The following AGBL3 variants were observed in gnomAD, a reference collection of about 807,000 sequenced individuals.
AGBL3 encodes the protein AGBL carboxypeptidase 3.
A neutral mutation model predicts 94.5 loss-of-function variants in AGBL3; 68 were observed. That is an observed-to-expected ratio of 0.72 (90% confidence interval 0.59 to 0.88). AGBL3 has a LOEUF of 0.88. Among genes scored for constraint, AGBL3 ranks in the 40% least tolerant of loss-of-function variants. AGBL3 has a pLI of 0.00. For synonymous variants in AGBL3, 354 were observed against 370.7 expected (o/e 0.95, Z 0.52); for missense variants, 934 against 1,103.8 (o/e 0.85, Z 2.18).
At chr7:134,989,415 A>T in intron 3 of AGBL3, 105 bp downstream of exon 3, 1 of 760,168 alleles carries the variant, frequency 1.3e-6, no homozygotes, top group East Asian at 3.2e-5. Flanking sequence ...GGGAATGATT[A>T]TTCTAGTAGA....
intron 11 of AGBL3, among the ~76,000 whole-genome samples, chr7:135,050,787 G>A (rs553602183): frequency 1.3e-5 from 2 of 151,930 alleles, no homozygotes; most frequent in Non-Finnish European, 2.9e-5. Context: ...CCTTAATTCA[G>A]TCTACGTATT....
At chr7:135,023,802 G>A (rs1440079078) in intron 5 of AGBL3, among the ~76,000 whole-genome samples, 1 of 152,184 alleles carries the variant, frequency 6.6e-6, no homozygotes, top group Non-Finnish European at 1.5e-5. Context: ...GCTCCTGCAG[G>A]AGCATGTGCA....
intron 16 of AGBL3, among the ~76,000 whole-genome samples, chr7:135,119,356 A>C (rs1826792801): frequency 6.7e-6 from 1 of 149,476 alleles, no homozygotes; most frequent in East Asian, 2.0e-4. Flanking sequence ...CAGCCTTCCG[A>C]GTAGCTGGGG....
rs192545332 is a variant in AGBL3, at chr7:134,991,135, G to A, written c.124+1825G>A. On this transcript the variant is annotated intron_variant, in intron 3 of 16. Transcript: ENST00000436302. ...TGTTTAGTTCTCTTAAGTTTTCCTT[G>A]TATTGGTTTGGGACTATCTTGCACA... 7.1e-5 allele frequency among the ~76,000 whole-genome samples: 10 copies of A among 140,988 alleles called. No individual in the cohort carries two copies. In the East Asian group the frequency reaches 2.1e-3, roughly 30 times the overall value. 92.5% of individuals were successfully genotyped at this position (140,988 alleles called of 152,430 possible). A position where few individuals can be genotyped will look rare whatever the true frequency, so the allele number is the denominator to read the frequency against.
chr7:134,998,288 C>T (rs1167979017), intron 4 of AGBL3, among the ~76,000 whole-genome samples: 1 of 152,170 alleles, frequency 6.6e-6, no homozygotes, highest in Non-Finnish European at 1.5e-5. Flanking sequence ...TCCATTCAAC[C>T]TTTTCAGCTT....
chr7:135,015,695 T>A (rs1204579935), intron 4 of AGBL3, among the ~76,000 whole-genome samples: 1 of 151,664 alleles, frequency 6.6e-6, no homozygotes, highest in Non-Finnish European at 1.5e-5. Context: ...AACTGAGAAG[T>A]CTGGATTTCG....
intron 5 of AGBL3, among the ~76,000 whole-genome samples, chr7:135,028,536 G>T (rs1052930503): frequency 6.6e-6 from 1 of 152,064 alleles, no homozygotes; most frequent in African/African-American, 2.4e-5. Flanking sequence ...CACATCTTTA[G>T]GCTCTACTTC....
chr7:135,001,196 C>G (rs1811671907), intron 4 of AGBL3, among the ~76,000 whole-genome samples: 1 of 152,182 alleles, frequency 6.6e-6, no homozygotes, highest in Non-Finnish European at 1.5e-5. Flanking sequence ...TTTCATCAAC[C>G]ATTTCATGGC....
intron 16 of AGBL3, chr7:135,129,058 A>T: frequency 6.2e-7 from 1 of 1,608,628 alleles, no homozygotes; most frequent in Non-Finnish European, 8.5e-7. Context: ...CAATGCCTCA[A>T]CTGCCCAGAA....
rs548309744 is a variant in AGBL3, at chr7:135,019,403, C to T, written c.418+2244C>T. 7.2e-5 allele frequency among the ~76,000 whole-genome samples: 11 copies of T among 152,164 alleles called. No homozygotes were observed. The South Asian group carries it at 1.9e-3, about 26-fold the overall frequency. On this transcript the variant is annotated intron_variant, in intron 5 of 16. Coordinates refer to ENST00000436302, the MANE Select transcript of AGBL3 (RefSeq NM_178563.4). ...CAAATTTAGTGCATTTTGCATCCTG[C>T]CTACTTATAAACTTTGCTTTTCCCA...
At chr7:135,101,797 T>C (rs1272538524) in intron 15 of AGBL3, among the ~76,000 whole-genome samples, 3 of 152,210 alleles carry the variant, frequency 2.0e-5, no homozygotes, top group Non-Finnish European at 2.9e-5. Flanking sequence ...GGTTTGCCTG[T>C]GTCCCCACCC....
At chr7:135,018,459 G>A (rs1248422051) in intron 5 of AGBL3, among the ~76,000 whole-genome samples, 2 of 152,224 alleles carry the variant, frequency 1.3e-5, no homozygotes, top group African/African-American at 4.8e-5. Flanking sequence ...GTGGAGAAGA[G>A]TAGAGGATAG....
intron 4 of AGBL3, among the ~76,000 whole-genome samples, chr7:134,996,173 G>T (rs1026657511): frequency 5.9e-5 from 9 of 152,190 alleles, no homozygotes; most frequent in African/African-American, 2.2e-4. Flanking sequence ...CAAGCATTGG[G>T]GCCCAGGTGC....
At chr7:135,065,593 G>T (rs965617551) in intron 12 of AGBL3, among the ~76,000 whole-genome samples, 13 of 152,202 alleles carry the variant, frequency 8.5e-5, no homozygotes, top group African/African-American at 2.9e-4. Context: ...ATAGTCTCTT[G>T]AAAAAATAGT....
At chr7:134,989,104 T>A (rs1809876525) in intron 2 of AGBL3, 146 bp from the exon 3 acceptor site, 2 of 581,674 alleles carry the variant, frequency 3.4e-6, no homozygotes, top group Admixed American at 6.6e-5. Flanking sequence ...TTGAGACCAG[T>A]AGCTGATAAT....
chr7:135,135,001 G>A lies in AGBL3; in HGVS notation c.2503G>A (p.Gly835Ser). ...RSLESLSPLK[G>S]PKKNKHSQIW... ...ATTGGAAAGTTTATCACCTCTCAAA[G>A]GCCCCAAGAAGAATAAACATTCTCA... Residue 835 changes from glycine (G) to serine (S), a missense_variant, in exon 17 of 17, where the codon GGC (glycine) becomes AGC (serine). By Grantham distance (56) the Gly-to-Ser change is moderately conservative (BLOSUM62 0). Transcript: ENST00000436302. The A allele has an allele frequency of 6.4e-7, 1 of 1,551,060 alleles. No individual in the cohort carries two copies. The highest frequency in any genetic ancestry group is 8.7e-7 in the Non-Finnish European group (1 of 1,146,638).
At chr7:135,071,776 G>A (rs1412402020) in intron 12 of AGBL3, among the ~76,000 whole-genome samples, 1 of 152,190 alleles carries the variant, frequency 6.6e-6, no homozygotes, top group East Asian at 1.9e-4. Context: ...ATGGATTAAA[G>A]ACTTAAATGT....
intron 5 of AGBL3, among the ~76,000 whole-genome samples, chr7:135,029,832 A>G (rs1240711590): frequency 3.3e-5 from 5 of 152,264 alleles, no homozygotes; most frequent in Admixed American, 2.6e-4. Flanking sequence ...AGGCCATTGT[A>G]GGATTATTAA....
At chr7:135,026,742 A>C (rs1297757774) in intron 5 of AGBL3, among the ~76,000 whole-genome samples, 2 of 151,608 alleles carry the variant, frequency 1.3e-5, no homozygotes, top group South Asian at 2.1e-4. Context: ...TTTTAATTCT[A>C]TCTCTTATAG....
Sources: gnomAD v4.1 joint callset for allele counts (sites outside exome capture counted in the v4.1 genomes callset) on GRCh38, gnomAD v4.1.1 for gene constraint, MANE v1.5 for transcripts, NCBI Gene and HGNC (gene_info 2026-07-23, HGNC 2026-07-21) for gene names.